The following PAPSS1 variants were observed in gnomAD, a reference collection of about 807,000 sequenced individuals.
PAPSS1 encodes the protein 3'-phosphoadenosine 5'-phosphosulfate synthase 1.
Under a neutral mutation model 72.0 loss-of-function variants are expected in PAPSS1, and 50 were observed. The observed-to-expected ratio is 0.69, with a 90% CI of 0.55 to 0.88. The LOEUF is 0.88. Among genes scored for constraint, PAPSS1 ranks in the 40% least tolerant of loss-of-function variants. The pLI is 0.00. For synonymous variants in PAPSS1, 261 were observed against 263.6 expected, an observed-to-expected ratio of 0.99 and a Z score of 0.09; for missense variants, 657 against 782.2, an observed-to-expected ratio of 0.84 and a Z score of 1.91.
At chr4:107,650,110 G>A (rs939879448) in intron 9 of PAPSS1, among the ~76,000 whole-genome samples, 1 of 152,128 alleles carries the variant, frequency 6.6e-6, no homozygotes, top group African/African-American at 2.4e-5. Context: ...AGGAGAAGGA[G>A]GAAGAGGTAA....
In PAPSS1 at chr4:107,678,413, C is replaced by T. The variant is rs147702522; in HGVS notation, c.669+3602G>A. On this transcript the variant is annotated intron_variant, in intron 5 of 11. Coordinates refer to ENST00000265174, the MANE Select transcript of PAPSS1 (RefSeq NM_005443.5). ...AGCATCACCTAACAAGTGAAAAGGC[C>T]AGCCAATCTACAATCATAAACTTTC... 1.4e-3 allele frequency among the ~76,000 whole-genome samples: 208 copies of T among 151,836 alleles called. 2 individuals carry two copies. In the East Asian group the frequency reaches 0.033, roughly 24 times the overall value.
intron 11 of PAPSS1, among the ~76,000 whole-genome samples, chr4:107,616,788 T>C (rs892170632): frequency 2.6e-5 from 4 of 152,212 alleles, no homozygotes; most frequent in African/African-American, 9.6e-5. Flanking sequence ...TAAGATGGGA[T>C]AGGAGTGTTG....
chr4:107,663,871 G>A (rs1727250212), intron 5 of PAPSS1, among the ~76,000 whole-genome samples: 1 of 152,004 alleles, frequency 6.6e-6, no homozygotes, highest in African/African-American at 2.4e-5. Flanking sequence ...GAAAACTAAG[G>A]TATTAAGTAT....
chr4:107,624,447 T>C (rs1193469790), intron 11 of PAPSS1, among the ~76,000 whole-genome samples: 1 of 152,186 alleles, frequency 6.6e-6, no homozygotes, highest in Non-Finnish European at 1.5e-5. Flanking sequence ...CTATAGTACC[T>C]ACAACCTAGC....
At chr4:107,697,265 T>C (rs764736382) in intron 2 of PAPSS1, among the ~76,000 whole-genome samples, 3 of 152,210 alleles carry the variant, frequency 2.0e-5, no homozygotes, top group Non-Finnish European at 4.4e-5. Flanking sequence ...GCCCTAAGCA[T>C]AGCTGCCTAT....
rs997677886 is a variant in PAPSS1 at position 107,645,125 on chromosome 4, C to T, written c.1238-55G>A. 3.0e-6 allele frequency: 4 copies of T among 1,339,086 alleles called. No individual in the cohort carries two copies. In the African/African-American group the frequency reaches 6.0e-5, roughly 20 times the overall value. The allele number at this position is 1,339,086 out of a possible 1,614,324, so 83.0% of individuals were successfully genotyped here. On this transcript the variant is annotated intron_variant, in intron 9 of 11. Coordinates refer to ENST00000265174, the MANE Select transcript of PAPSS1 (RefSeq NM_005443.5). ...AGCATGTTTCTAACAGATTACTTTC[C>T]AAAGGATACGCAATTTTTCTTAAAA... is the stretch of plus-strand genomic sequence containing the variant.
At chr4:107,675,677 C>T (rs979787251) in intron 5 of PAPSS1, among the ~76,000 whole-genome samples, 1 of 152,186 alleles carries the variant, frequency 6.6e-6, no homozygotes, top group African/African-American at 2.4e-5. Context: ...CTCCCTAACT[C>T]ATTTTATGAA....
chr4:107,678,610 CT>C (rs1311022362), intron 5 of PAPSS1, among the ~76,000 whole-genome samples: 1 of 151,992 alleles, frequency 6.6e-6, no homozygotes, highest in East Asian at 1.9e-4. Flanking sequence ...GCTAAAATGT[CT>C]TTAAAACTTT....
At chr4:107,625,359 T>C (rs1726063331) in intron 11 of PAPSS1, among the ~76,000 whole-genome samples, 1 of 152,168 alleles carries the variant, frequency 6.6e-6, no homozygotes, top group Non-Finnish European at 1.5e-5. Flanking sequence ...CAAATTTTCC[T>C]GTCTTGTAGC....
At chr4:107,676,725 A>T (rs1441918883) in intron 5 of PAPSS1, among the ~76,000 whole-genome samples, 1 of 152,224 alleles carries the variant, frequency 6.6e-6, no homozygotes, top group Non-Finnish European at 1.5e-5. Context: ...CCACATTGCC[A>T]AGTCAATCCT....
intron 4 of PAPSS1, among the ~76,000 whole-genome samples, chr4:107,685,959 G>A (rs1192626465): frequency 1.3e-5 from 2 of 152,042 alleles, no homozygotes; most frequent in Non-Finnish European, 2.9e-5. Flanking sequence ...CCTAAACAAT[G>A]GTATCTTTAG....
At chr4:107,703,632 T>A (rs1723263663) in intron 1 of PAPSS1, among the ~76,000 whole-genome samples, 1 of 152,230 alleles carries the variant, frequency 6.6e-6, no homozygotes, top group Non-Finnish European at 1.5e-5. Flanking sequence ...CCATCATGTA[T>A]TATTGGCACC....
At chr4:107,644,729 G>A (rs1345438858) in intron 10 of PAPSS1, 73 bp downstream of exon 10, 30 of 1,414,344 alleles carry the variant, frequency 2.1e-5, no homozygotes, top group Non-Finnish European at 2.3e-5. Context: ...AAAAGCAATC[G>A]GATGGTGACA....
intron 1 of PAPSS1, among the ~76,000 whole-genome samples, chr4:107,714,175 G>A (rs1723577153): frequency 6.6e-6 from 1 of 152,166 alleles, no homozygotes; most frequent in South Asian, 2.1e-4. Context: ...TGGCCTGCCT[G>A]CCTTCAGCAA....
At chr4:107,659,870 G>T in intron 6 of PAPSS1, 89 bp downstream of exon 6, 1 of 677,226 alleles carries the variant, frequency 1.5e-6, no homozygotes, top group Non-Finnish European at 2.6e-6. Context: ...TACCACCCCT[G>T]GCCTCAAATA....
intron 10 of PAPSS1, among the ~76,000 whole-genome samples, chr4:107,636,704 A>C (rs1726395203): frequency 6.6e-6 from 1 of 152,160 alleles, no homozygotes; most frequent in Non-Finnish European, 1.5e-5. Flanking sequence ...GCAGGGGAGG[A>C]CAGGAGGACC....
chr4:107,720,125 T>G lies in PAPSS1; in HGVS notation c.55A>C (p.Asn19His). The G allele has an allele frequency of 6.2e-7, 1 of 1,606,112 alleles. No individual in the cohort carries two copies. The highest frequency in any genetic ancestry group is 8.5e-7 in the Non-Finnish European group (1 of 1,176,568). The change falls in exon 1 of 12, where the codon AAC (asparagine) becomes CAC (histidine). Residue 19 changes from asparagine to histidine, a missense_variant. By Grantham distance (68) the Asn-to-His change is moderately conservative. This residue lies in a region of PAPSS1 where 48 missense variants were observed against 31.9 expected (regional missense o/e 1.51). Transcript: ENST00000265174. ...KKVKLSNNAQ[N>H]WGMQRATNVT... ...CGCCTTCGTCCCCAGCTTACCCAGT[T>G]CTGCGCGTTATTGCTCAGTTTGACT... is the stretch of plus-strand genomic sequence containing the variant.
chr4:107,617,445 A>G (rs1725853519), intron 11 of PAPSS1, among the ~76,000 whole-genome samples: 1 of 152,168 alleles, frequency 6.6e-6, no homozygotes, highest in Non-Finnish European at 1.5e-5. Flanking sequence ...TTTACTCTGG[A>G]ATGCTATACA....
intron 5 of PAPSS1, among the ~76,000 whole-genome samples, chr4:107,664,569 CCT>C (rs918475208): frequency 6.6e-6 from 1 of 152,112 alleles, no homozygotes; most frequent in African/African-American, 2.4e-5. Flanking sequence ...ATCTCTGCTT[CCT>C]CTGAAGAGAT....
Sources: allele counts gnomAD v4.1 joint callset (sites outside exome capture counted in the v4.1 genomes callset), GRCh38; gene constraint gnomAD v4.1.1; regional missense constraint gnomAD v4.1.1; transcripts MANE v1.5; gene names NCBI Gene and HGNC (gene_info 2026-07-23, HGNC 2026-07-21).